CCDC13: variants seen among roughly 807,000 people sequenced by gnomAD.
CCDC13 encodes the protein coiled-coil domain containing 13.
Under a neutral mutation model 87.3 loss-of-function variants are expected in CCDC13, and 70 were observed. The ratio of observed to expected loss-of-function variants is 0.80; its 90% CI spans 0.66 to 0.98. CCDC13 has a LOEUF of 0.98. Among genes scored for constraint, CCDC13 ranks in the 50% least tolerant of loss-of-function variants. CCDC13 has a pLI of 0.00. For synonymous variants in CCDC13, 317 were observed against 360.3 expected (o/e 0.88, Z 1.36); for missense variants, 842 against 892.0 (o/e 0.94, Z 0.71).
chr3:42,707,358 C>A lies in CCDC13; in HGVS notation c.*1622G>T, dbSNP rs62250113. Among the ~76,000 whole-genome samples, 39,182 of 152,082 alleles carry A rather than the reference C, an allele frequency of 0.26. 5,136 individuals are homozygous for A. Among genetic ancestry groups the A allele is most frequent in the Middle Eastern group, 0.29 (85 of 294 alleles). ...CTTCCTTCCCAGAGACCCTTAGGAC[C>A]CCACCAGAATCATCAGTTCATCCCG... On this transcript the variant is annotated 3_prime_UTR_variant, in exon 16 of 16. Transcript: ENST00000310232.
intron 1 of CCDC13, among the ~76,000 whole-genome samples, chr3:42,766,148 G>A (rs1473498861): frequency 1.3e-5 from 2 of 152,186 alleles, no homozygotes; most frequent in Non-Finnish European, 2.9e-5. Context: ...GGGTTTGAGT[G>A]ACTGGGGAGA....
chr3:42,749,491 G>A (rs56113704), intron 5 of CCDC13, among the ~76,000 whole-genome samples: 1 of 152,252 alleles, frequency 6.6e-6, no homozygotes, highest in Non-Finnish European at 1.5e-5. Flanking sequence ...CTAGGACAAC[G>A]CATGTCAAGG....
rs1274756496 is a variant in CCDC13 at position 42,709,754 on chromosome 3, T to C, written c.1918A>G (p.Lys640Glu). The part of the protein sequence containing the change: ...NNRHNPTGSE[K>E]KDPSFAQLSD... ...AGCTGGGCAAAGGATGGGTCCTTCTTCTCGCTCCCGGTTGGGTTGTGCCTG... is the reference window on the plus strand; with the variant it reads ...AGCTGGGCAAAGGATGGGTCCTTCTCCTCGCTCCCGGTTGGGTTGTGCCTG... The change falls in exon 15 of 16, where the codon AAG becomes GAG. Residue 640 changes from lysine (K) to glutamate (E), a missense_variant. Lys to Glu is a moderately conservative substitution (Grantham distance 56). Transcript: ENST00000310232. 5.0e-6 allele frequency: 8 copies of C among 1,614,140 alleles called. No homozygotes were observed. Among genetic ancestry groups the C allele is most frequent in the Non-Finnish European group, 5.1e-6 (6 of 1,180,006 alleles).
rs535362923 is a variant in CCDC13, at chr3:42,720,011, A to T, written c.1719-6695T>A. On this transcript the variant is annotated intron_variant, in intron 13 of 15. Coordinates refer to ENST00000310232, the MANE Select transcript of CCDC13 (RefSeq NM_144719.4). Reference sequence around the variant, plus strand: ...AATATCTTCAAAAATGTAAACATTTAGTCTAAATTATGCAGGTCAGATATT... The same window carrying T: ...AATATCTTCAAAAATGTAAACATTTTGTCTAAATTATGCAGGTCAGATATT... Among the ~76,000 whole-genome samples, 10 of 152,368 alleles carry T rather than the reference A, an allele frequency of 6.6e-5. No individual in the cohort carries two copies. The South Asian group carries it at 2.1e-3, about 32-fold the overall frequency.
At chr3:42,769,736 G>A (rs1700015811) in intron 1 of CCDC13, among the ~76,000 whole-genome samples, 1 of 152,246 alleles carries the variant, frequency 6.6e-6, no homozygotes, top group African/African-American at 2.4e-5. Flanking sequence ...TGAGAACTGG[G>A]GCTGCGCGCA....
intron 9 of CCDC13, among the ~76,000 whole-genome samples, chr3:42,738,527 C>T (rs1211073062): frequency 2.0e-5 from 3 of 152,176 alleles, no homozygotes; most frequent in Admixed American, 2.0e-4. Flanking sequence ...ATGATATTGA[C>T]TCTTCCTACC....
At position 42,746,030 on chromosome 3, in the gene CCDC13, G is replaced by C. The variant is rs1334143501; in HGVS notation, c.721-3C>G. Reference sequence around the variant, plus strand: ...TCCCCAACCTCTCTGGCCAAAACCTGAAATAAGGCAGGGCCTTCAATGTGG... The same window carrying C: ...TCCCCAACCTCTCTGGCCAAAACCTCAAATAAGGCAGGGCCTTCAATGTGG... On this transcript the variant is annotated splice_region_variant and splice_polypyrimidine_tract_variant and intron_variant, in intron 6 of 15. Coordinates refer to ENST00000310232, the MANE Select transcript of CCDC13 (RefSeq NM_144719.4). 1 of 1,612,920 alleles carries C rather than the reference G, an allele frequency of 6.2e-7. No homozygotes were observed.
chr3:42,764,800 A>G (rs1303445480), intron 1 of CCDC13, among the ~76,000 whole-genome samples: 2 of 151,878 alleles, frequency 1.3e-5, no homozygotes, highest in Non-Finnish European at 2.9e-5. Context: ...CACTCTGTGG[A>G]CTCCCAGAAT....
At chr3:42,726,171 T>C (rs1481130283) in intron 13 of CCDC13, among the ~76,000 whole-genome samples, 2 of 152,040 alleles carry the variant, frequency 1.3e-5, no homozygotes, top group African/African-American at 4.8e-5. Flanking sequence ...CCTCCCAAGT[T>C]GCTGGGATTA....
In CCDC13 at chr3:42,714,361, C is replaced by T. The variant is rs75313546; in HGVS notation, c.1719-1045G>A. Among the ~76,000 whole-genome samples the T allele has an allele frequency of 2.8e-4, 42 of 152,316 alleles. No individual in the cohort carries two copies. The South Asian group carries it at 6.2e-3, about 23-fold the overall frequency. On this transcript the variant is annotated intron_variant, in intron 13 of 15. Transcript: ENST00000310232. ...GGCATAGACACCAAAAGCCTGTCTACGTTAGGACAATTAGTTAGAGCCATG... is the reference window on the plus strand; with the variant it reads ...GGCATAGACACCAAAAGCCTGTCTATGTTAGGACAATTAGTTAGAGCCATG...
rs1252343234 is a variant in CCDC13, at chr3:42,732,903, G to A, written c.1579C>T (p.His527Tyr). Reference protein sequence around the residue: ...ALTRPSLPSPHRTSPRFSDSP... With the variant: ...ALTRPSLPSPYRTSPRFSDSP... ...GGTCCATACCTAGGTGAGGTCCTGT[G>A]GGGACTGGGCAGGGAAGGCCTCGTG... Residue 527 changes from histidine (H) to tyrosine (Y), a missense_variant, in exon 12 of 16, where the codon CAC (histidine) becomes TAC (tyrosine). By Grantham distance (83) the His-to-Tyr change is moderately conservative. Transcript: ENST00000310232. 1 of 1,553,608 alleles carries A rather than the reference G, an allele frequency of 6.4e-7. No homozygotes were observed. The highest frequency in any genetic ancestry group is 8.7e-7 in the Non-Finnish European group (1 of 1,147,842).
chr3:42,771,088 AACCTGGTACACTC>A (rs1350028980), intron 1 of CCDC13: 1 of 152,234 alleles, frequency 6.6e-6, no homozygotes, highest in Non-Finnish European at 1.5e-5. Context: ...GTGAGTAGAT[AACCTGGTACACTC>A]ATACCGGTGA....
chr3:42,727,628 AAG>A (rs1313209698), intron 13 of CCDC13, among the ~76,000 whole-genome samples: 2 of 152,198 alleles, frequency 1.3e-5, no homozygotes, highest in African/African-American at 2.4e-5. Flanking sequence ...GGTTTAAAAA[AAG>A]AATGTGGAAG....
intron 9 of CCDC13, among the ~76,000 whole-genome samples, chr3:42,738,555 C>T (rs1018121362): frequency 6.6e-6 from 1 of 152,094 alleles, no homozygotes; most frequent in Non-Finnish European, 1.5e-5. Context: ...ATGGAATATT[C>T]TTCCATTTGT....
Position 42,723,579 on chromosome 3 carries a change from A to G in CCDC13, c.1718+6888T>C, listed in dbSNP as rs138140962. On this transcript the variant is annotated intron_variant, in intron 13 of 15. Coordinates refer to ENST00000310232, the MANE Select transcript of CCDC13 (RefSeq NM_144719.4). ...GAAAAAAGAAAGAACATTAAATTCA[A>G]TGGCATTGTAAGAGAGTAACACAAC... is the stretch of plus-strand genomic sequence containing the variant. 2.7e-3 allele frequency among the ~76,000 whole-genome samples: 411 copies of G among 152,336 alleles called. 3 individuals carry two copies. Among genetic ancestry groups the G allele is most frequent in the South Asian group, 0.024 (117 of 4,826 alleles).
Position 42,713,249 on chromosome 3 carries a change from C to T in CCDC13, c.1786G>A (p.Val596Met), listed in dbSNP as rs749188442. The T allele has an allele frequency of 8.1e-6, 13 of 1,614,206 alleles. No individual in the cohort carries two copies. Among genetic ancestry groups the T allele is most frequent in the South Asian group, 5.5e-5 (5 of 91,080 alleles). ...TTCTCCAGATGTTGCTCCAGCACCA[C>T]GGTGCGGTGTCGCTCCTCCTGCAGC... ...RKLQEERHRT[V>M]VLEQHLEKIR... The change falls in exon 14 of 16, where the codon GTG becomes ATG. Residue 596 changes from valine to methionine, a missense_variant. By Grantham distance (21) the Val-to-Met change is conservative. Coordinates refer to ENST00000310232, the MANE Select transcript of CCDC13 (RefSeq NM_144719.4).
downstream of CCDC13, chr3:42,704,122 T>C (rs1439800233): frequency 2.6e-5 from 4 of 152,100 alleles, no homozygotes. Flanking sequence ...AGGATGTACA[T>C]GGATTAACTT....
At chr3:42,749,728 G>A (rs559427137) in intron 5 of CCDC13, 1 of 377,740 alleles carries the variant, frequency 2.6e-6, no homozygotes, top group Non-Finnish European at 5.3e-6. Context: ...CTGGGTATGG[G>A]TACGCTCCCT....
intron 1 of CCDC13, among the ~76,000 whole-genome samples, chr3:42,763,077 C>T (rs1006143444): frequency 3.3e-5 from 5 of 152,136 alleles, no homozygotes; most frequent in South Asian, 2.1e-4. Context: ...GCCACCTAGT[C>T]GAAAAAGATT....
Sources: allele counts gnomAD v4.1 joint callset (sites outside exome capture counted in the v4.1 genomes callset), GRCh38; gene constraint gnomAD v4.1.1; transcripts MANE v1.5; gene names NCBI Gene and HGNC (gene_info 2026-07-23, HGNC 2026-07-21).